Variants in PTPRN2 observed in about 807,000 individuals in gnomAD.
The protein encoded by PTPRN2 is receptor-type tyrosine-protein phosphatase N2.
Under a neutral mutation model 118.8 loss-of-function variants are expected in PTPRN2, and 74 were observed. The observed-to-expected ratio is 0.62, with a 90% CI of 0.52 to 0.76. The LOEUF (loss-of-function observed/expected upper bound fraction) is 0.76, where lower values mean the gene tolerates loss of function less well. Ranked by LOEUF, PTPRN2 falls within the 30% of genes least tolerant of loss-of-function variation. PTPRN2 has a pLI of 0.00. For synonymous variants in PTPRN2, 641 were observed against 608.0 expected (o/e 1.05, Z -0.80); for missense variants, 1,481 against 1,394.4 (o/e 1.06, Z -0.99).
rs780329169 is a variant in PTPRN2, at chr7:157,881,037, G to A, written c.1788+17636C>T. Reference sequence around the variant, plus strand: ...ACTTCCGAATGTGACTGTATGTGGAGATGGAGTTGTCTATAGGAGTCATTA... The same window carrying A: ...ACTTCCGAATGTGACTGTATGTGGAAATGGAGTTGTCTATAGGAGTCATTA... On this transcript the variant is annotated intron_variant, in intron 12 of 22. Transcript: ENST00000389418. The surrounding 1 kb of genome is among the most constrained non-coding windows in gnomAD (Gnocchi z 4.7). 6.6e-6 allele frequency among the ~76,000 whole-genome samples: 1 copy of A among 152,222 alleles called. No individual in the cohort carries two copies. The highest frequency in any genetic ancestry group is 6.5e-5 in the Admixed American group (1 of 15,284).
At chr7:158,364,369 G>A (rs1384041004) in intron 2 of PTPRN2, among the ~76,000 whole-genome samples, 1 of 147,528 alleles carries the variant, frequency 6.8e-6, no homozygotes, top group Non-Finnish European at 1.5e-5. Flanking sequence ...AGCAGGGTAT[G>A]CAGAGCCCCC....
intron 14 of PTPRN2, among the ~76,000 whole-genome samples, chr7:157,628,746 G>A (rs760481644): frequency 7.2e-5 from 11 of 152,144 alleles, no homozygotes; most frequent in Non-Finnish European, 1.2e-4. Flanking sequence ...GGTGCGGGAC[G>A]GTCTCAGTGT....
chr7:157,805,316 T>TGTGTGTGC (rs61380811), intron 12 of PTPRN2, among the ~76,000 whole-genome samples: 1 of 147,550 alleles, frequency 6.8e-6, no homozygotes, highest in Non-Finnish European at 1.5e-5. Context: ...TGTGTGTGTG[T>TGTGTGTGC]GCGTGTGCAA....
At chr7:157,846,831 C>T (rs959777875) in intron 12 of PTPRN2, among the ~76,000 whole-genome samples, 45 of 136,424 alleles carry the variant, frequency 3.3e-4, no homozygotes, top group Middle Eastern at 4.2e-3. Flanking sequence ...CTCCATCATG[C>T]GTGCCCGATG....
intron 12 of PTPRN2, among the ~76,000 whole-genome samples, chr7:157,858,945 T>C (rs71543618): frequency 3.9e-3 from 3 of 766 alleles, no homozygotes; most frequent in Admixed American, 0.019. Context: ...CCACCCACAC[T>C]CCTGCAGGGA....
chr7:158,268,961 T>C (rs1323922632), intron 3 of PTPRN2, among the ~76,000 whole-genome samples: 3 of 115,646 alleles, frequency 2.6e-5, no homozygotes, highest in African/African-American at 1.0e-4. Flanking sequence ...GCAGCCACAT[T>C]GTTGTTGAAA....
intron 2 of PTPRN2, among the ~76,000 whole-genome samples, chr7:158,468,174 G>T (rs542121181): frequency 2.6e-5 from 4 of 152,270 alleles, no homozygotes; most frequent in Non-Finnish European, 5.9e-5. Flanking sequence ...AGACAATTTT[G>T]CATTGCAATT....
chr7:158,110,908 G>T lies in PTPRN2; in HGVS notation c.1564C>A (p.Arg522Ser). 6.4e-7 allele frequency: 1 copy of T among 1,561,626 alleles called. No homozygotes were observed. ...GYIVTDRDPL[R>S]PEEGRRLVED... The stretch of plus-strand genomic sequence containing the variant: ...ACCAGCCGCCTTCCTTCCTCGGGGC[G>T]CAGGGGGCTGCGGATGACAGCAGGG... The change falls in exon 10 of 23, where the codon CGC (arginine) becomes AGC (serine). Residue 522 changes from arginine (R) to serine (S), a missense_variant. This residue lies in a region of PTPRN2 where 1,115 missense variants were observed against 994.2 expected (regional missense o/e 1.12). Transcript: ENST00000389418.
intron 22 of PTPRN2, among the ~76,000 whole-genome samples, chr7:157,544,140 C>CGGAGAGAGACGGAGAGAGGT (rs1373948913): frequency 5.1e-4 from 62 of 122,016 alleles, no homozygotes; most frequent in African/African-American, 1.5e-3. Context: ...CGGAGAGAGG[C>CGGAGAGAGACGGAGAGAGGT]GGAGAGAGAC....
rs1006379938 is a variant in PTPRN2, at chr7:158,068,867, T to C, written c.1723+12431A>G. Among the ~76,000 whole-genome samples the C allele has an allele frequency of 2.6e-5, 4 of 152,232 alleles. No homozygotes were observed. In the South Asian group the frequency reaches 6.2e-4, roughly 24 times the overall value. ...GGATTACAACTGTAATAAGACAAGG[T>C]GTTGATAGAGTGCAAACTGTCTTTA... On this transcript the variant is annotated intron_variant, in intron 11 of 22. Coordinates refer to ENST00000389418, the MANE Select transcript of PTPRN2 (RefSeq NM_002847.5).
chr7:158,077,311 G>T (rs1812438032), intron 11 of PTPRN2, among the ~76,000 whole-genome samples: 1 of 152,212 alleles, frequency 6.6e-6, no homozygotes, highest in African/African-American at 2.4e-5. Context: ...GCTTCACAAA[G>T]ATGCCGAACA....
In PTPRN2 at chr7:157,830,603, A is replaced by G. The variant is rs1227377745; in HGVS notation, c.1788+68070T>C. On this transcript the variant is annotated intron_variant, in intron 12 of 22. Coordinates refer to ENST00000389418, the MANE Select transcript of PTPRN2 (RefSeq NM_002847.5). Reference sequence around the variant, plus strand: ...ACCCACAGCTGCCGGAGGCACACACATCACCACATGCTGAAGACCTGCATC... The same window carrying G: ...ACCCACAGCTGCCGGAGGCACACACGTCACCACATGCTGAAGACCTGCATC... Among the ~76,000 whole-genome samples the G allele has an allele frequency of 5.3e-5, 8 of 152,214 alleles. No individual in the cohort carries two copies. In the South Asian group the frequency reaches 6.2e-4, roughly 12 times the overall value.
chr7:157,577,888 C>A, intron 18 of PTPRN2, 133 bp downstream of exon 18: 1 of 1,242,490 alleles, frequency 8.0e-7, no homozygotes. Context: ...GCCTCCATCC[C>A]CTGAACATGG....
rs1805775544 is a variant in PTPRN2, at chr7:157,808,479, T to G, written c.1788+90194A>C. ...GGAGCTTGAGCCCTGTTGTGAACTG[T>G]GCATGTGAGGGATCCAGGTTGCACG... is the stretch of plus-strand genomic sequence containing the variant. On this transcript the variant is annotated intron_variant, in intron 12 of 22. Transcript: ENST00000389418. The surrounding 1 kb of genome is among the most constrained non-coding windows in gnomAD (Gnocchi z 5.0). 6.6e-6 allele frequency among the ~76,000 whole-genome samples: 1 copy of G among 152,134 alleles called. No homozygotes were observed.
chr7:158,091,394 C>T (rs1482617898), intron 10 of PTPRN2, among the ~76,000 whole-genome samples: 1 of 152,226 alleles, frequency 6.6e-6, no homozygotes, highest in East Asian at 1.9e-4. Context: ...GTAAATGCTT[C>T]TCTTTTCAAC....
intron 21 of PTPRN2, among the ~76,000 whole-genome samples, chr7:157,557,784 C>T (rs1224580651): frequency 6.6e-6 from 1 of 152,006 alleles, no homozygotes; most frequent in African/African-American, 2.4e-5. Flanking sequence ...AACAAACTAG[C>T]TATTTCTTAT....
intron 12 of PTPRN2, among the ~76,000 whole-genome samples, chr7:157,896,479 A>G (rs1029629083): frequency 2.7e-4 from 38 of 139,774 alleles, no homozygotes; most frequent in South Asian, 4.8e-4. Flanking sequence ...GTGGGGAGCC[A>G]GGGAGGTGCT....
intron 11 of PTPRN2, among the ~76,000 whole-genome samples, chr7:158,026,142 G>A (rs776858197): frequency 3.3e-5 from 5 of 152,240 alleles, no homozygotes; most frequent in South Asian, 2.1e-4. Context: ...GAAGGAGCTC[G>A]GTGAGCTTCG....
chr7:158,567,893 G>T (rs1000087535), intron 1 of PTPRN2, among the ~76,000 whole-genome samples: 4 of 152,200 alleles, frequency 2.6e-5, no homozygotes, highest in Non-Finnish European at 5.9e-5. Context: ...GTCTGGCCTG[G>T]ACACAGAAAT....
Sources: gnomAD v4.1 joint callset for allele counts (sites outside exome capture counted in the v4.1 genomes callset) on GRCh38, gnomAD v4.1.1 for gene constraint, gnomAD v4.1.1 regional missense constraint, Gnocchi (gnomAD v3.1) non-coding constraint, MANE v1.5 for transcripts, NCBI Gene and HGNC (gene_info 2026-07-23, HGNC 2026-07-21) for gene names.